The following PPP1R21 variants were observed in gnomAD, a reference collection of about 807,000 sequenced individuals.
The protein encoded by PPP1R21 is KLRAQ motif containing 1.
A neutral mutation model predicts 112.8 loss-of-function variants in PPP1R21; 85 were observed. The ratio of observed to expected loss-of-function variants is 0.75; its 90% CI spans 0.63 to 0.90. PPP1R21 has a LOEUF of 0.90. Among genes scored for constraint, PPP1R21 ranks in the 40% least tolerant of loss-of-function variants. PPP1R21 has a pLI of 0.00. For missense variants in PPP1R21, 1,199 were observed against 901.5 expected (o/e 1.33, Z -4.23); for synonymous variants, 381 against 322.3 (o/e 1.18, Z -1.95).
At chr2:48,455,787 G>A (rs903849707) in intron 3 of PPP1R21, among the ~76,000 whole-genome samples, 6 of 152,004 alleles carry the variant, frequency 3.9e-5, no homozygotes, top group Non-Finnish European at 5.9e-5. Flanking sequence ...GGCTGAGGCG[G>A]GCAGATCACG....
At chr2:48,470,891 G>C in intron 9 of PPP1R21, among the ~76,000 whole-genome samples, 196 bp from the exon 10 acceptor site, 1 of 152,164 alleles carries the variant, frequency 6.6e-6, no homozygotes, top group Non-Finnish European at 1.5e-5. Flanking sequence ...GACTATTAGA[G>C]GGGAGCATCT....
At position 48,458,140 on chromosome 2, in the gene PPP1R21, T is replaced by A; in HGVS notation, c.288T>A (p.Ser96=). 6.2e-7 allele frequency: 1 copy of A among 1,610,134 alleles called. No homozygotes were observed. Among genetic ancestry groups the A allele is most frequent in the Admixed American group, 1.7e-5 (1 of 59,944 alleles). The change falls in exon 4 of 22, where the codon TCT becomes TCA. Residue 96 remains serine, a synonymous_variant. Coordinates refer to ENST00000294952, the MANE Select transcript of PPP1R21 (RefSeq NM_001135629.3). ...RGKKNKKSGE[S]SSQLSQEQKS... ...CTTTCCATCAGAAAAGTGGAGAATCTTCTTCTCAGTTGAGTCAAGAGCAGA... is the reference window on the plus strand; with the variant it reads ...CTTTCCATCAGAAAAGTGGAGAATCATCTTCTCAGTTGAGTCAAGAGCAGA...
chr2:48,448,121 A>G (rs1404726314), intron 1 of PPP1R21, among the ~76,000 whole-genome samples: 1 of 152,222 alleles, frequency 6.6e-6, no homozygotes, highest in African/African-American at 2.4e-5. Context: ...GCAATAGAGT[A>G]TGCAAGCTTA....
intron 16 of PPP1R21, 139 bp from the exon 17 acceptor site, chr2:48,498,354 C>G: frequency 1.4e-6 from 1 of 714,292 alleles, no homozygotes; most frequent in Non-Finnish European, 2.3e-6. Context: ...TAAATCTCTT[C>G]CTATTCGAGG....
chr2:48,510,550 A>G (rs1670592244), intron 20 of PPP1R21, among the ~76,000 whole-genome samples: 1 of 152,212 alleles, frequency 6.6e-6, no homozygotes, highest in African/African-American at 2.4e-5. Context: ...AGCCTCTGCT[A>G]ATAAAAACAT....
At chr2:48,486,532 A>G in intron 13 of PPP1R21, 99 bp from the exon 14 acceptor site, 1 of 900,470 alleles carries the variant, frequency 1.1e-6, no homozygotes, top group Non-Finnish European at 1.7e-6. Flanking sequence ...AATTTACTTT[A>G]TAAATTTAGA....
chr2:48,504,145 T>A (rs1171016687), intron 17 of PPP1R21, among the ~76,000 whole-genome samples: 1 of 152,144 alleles, frequency 6.6e-6, no homozygotes, highest in Non-Finnish European at 1.5e-5. Flanking sequence ...GATTGGAGTA[T>A]TATTCCAAGC....
intron 3 of PPP1R21, among the ~76,000 whole-genome samples, chr2:48,455,693 A>G (rs1315566205): frequency 6.6e-6 from 1 of 152,056 alleles, no homozygotes; most frequent in Non-Finnish European, 1.5e-5. Flanking sequence ...AAATAAAATG[A>G]GGGAGATTGT....
intron 16 of PPP1R21, among the ~76,000 whole-genome samples, chr2:48,497,602 A>G (rs1669902676): frequency 1.3e-5 from 2 of 151,950 alleles, no homozygotes; most frequent in Non-Finnish European, 2.9e-5. Flanking sequence ...TATTAGTTTT[A>G]AATAAATGGC....
chr2:48,464,997 A>G lies in PPP1R21; in HGVS notation c.747+8A>G. Reference sequence around the variant, plus strand: ...CACAATAGGAGACACCAGGTAAAGGATGAAGTACATGTTTTTATTTTCAGT... The same window carrying G: ...CACAATAGGAGACACCAGGTAAAGGGTGAAGTACATGTTTTTATTTTCAGT... On this transcript the variant is annotated splice_region_variant and intron_variant, in intron 8 of 21. Transcript: ENST00000294952. 6.4e-7 allele frequency: 1 copy of G among 1,555,850 alleles called. No individual in the cohort carries two copies. Among genetic ancestry groups the G allele is most frequent in the Non-Finnish European group, 8.6e-7 (1 of 1,160,426 alleles).
intron 13 of PPP1R21, among the ~76,000 whole-genome samples, chr2:48,483,292 C>T (rs1033434206): frequency 2.1e-5 from 3 of 144,684 alleles, no homozygotes; most frequent in Non-Finnish European, 4.5e-5. Flanking sequence ...AGCGATTCTC[C>T]TGCCTCAGCC....
At chr2:48,478,823 T>G (rs1668873169) in intron 12 of PPP1R21, among the ~76,000 whole-genome samples, 1 of 152,190 alleles carries the variant, frequency 6.6e-6, no homozygotes, top group Non-Finnish European at 1.5e-5. Context: ...TTTTTTAGAG[T>G]ACACCCTTAG....
At chr2:48,505,796 A>G (rs1670348268) in intron 18 of PPP1R21, among the ~76,000 whole-genome samples, 200 bp downstream of exon 18, 2 of 152,206 alleles carry the variant, frequency 1.3e-5, no homozygotes, top group Non-Finnish European at 2.9e-5. Flanking sequence ...ATGGTCACCA[A>G]CAAATTATAG....
chr2:48,443,461 G>A (rs1667116330), intron 1 of PPP1R21, among the ~76,000 whole-genome samples: 1 of 152,194 alleles, frequency 6.6e-6, no homozygotes. Flanking sequence ...ACAAAGGCTA[G>A]CACTTTTGGA....
chr2:48,453,974 T>A (rs1201937551), intron 2 of PPP1R21, among the ~76,000 whole-genome samples: 1 of 152,020 alleles, frequency 6.6e-6, no homozygotes, highest in Non-Finnish European at 1.5e-5. Context: ...AATATCTAAG[T>A]TTGGCCAGGC....
intron 19 of PPP1R21, among the ~76,000 whole-genome samples, chr2:48,509,493 G>T (rs918935073): frequency 2.0e-5 from 3 of 151,792 alleles, no homozygotes; most frequent in African/African-American, 7.3e-5. Context: ...ATCACTTGAG[G>T]TCAGGGGTTT....
At position 48,454,708 on chromosome 2, in the gene PPP1R21, A is replaced by ATT; in HGVS notation, c.240_241insTT (p.Ala81LeufsTer3). The ATT allele has an allele frequency of 6.2e-7, 1 of 1,614,168 alleles. No individual in the cohort carries two copies. The highest frequency in any genetic ancestry group is 8.5e-7 in the Non-Finnish European group (1 of 1,179,988). On this transcript the variant is annotated frameshift_variant, in exon 3 of 22. Transcript: ENST00000294952. LOFTEE classifies it high-confidence loss of function. ...GGGTAGAACTACTTCAAGATGAACT[A>ATT]GCTCTAAGTGAACCACGAGGCAAGA...
At chr2:48,472,349 A>G (rs960048321) in intron 11 of PPP1R21, among the ~76,000 whole-genome samples, 1 of 150,086 alleles carries the variant, frequency 6.7e-6, no homozygotes. Flanking sequence ...AGGTTGGCCA[A>G]GTGTGGTGGC....
rs1351167218 is a variant in PPP1R21 at position 48,455,243 on chromosome 2, T to G, written c.273+502T>G. Among the ~76,000 whole-genome samples, 5 of 150,542 alleles carry G rather than the reference T, an allele frequency of 3.3e-5. No homozygotes were observed. The East Asian group carries it at 8.0e-4, about 24-fold the overall frequency. ...CTCACCACAACCTCTGCCTCCCAGG[T>G]TCAAGTGATTCTCCTGCCTCAACCT... On this transcript the variant is annotated intron_variant, in intron 3 of 21. Transcript: ENST00000294952.
Sources: gnomAD v4.1 joint callset for allele counts (sites outside exome capture counted in the v4.1 genomes callset) on GRCh38, gnomAD v4.1.1 for gene constraint, MANE v1.5 for transcripts, NCBI Gene and HGNC (gene_info 2026-07-23, HGNC 2026-07-21) for gene names.